The following CPQ variants were observed in gnomAD, a reference collection of about 807,000 sequenced individuals.
CPQ encodes carboxypeptidase Q.
A neutral mutation model predicts 45.7 loss-of-function variants in CPQ; 37 were observed. That is an observed-to-expected ratio of 0.81 (90% CI 0.62 to 1.07). The LOEUF (loss-of-function observed/expected upper bound fraction) is 1.07. CPQ is among the 50% of genes least tolerant of loss of function. The probability of loss-of-function intolerance (pLI) is 0.00; values close to 1 mark genes in which losing one functional copy is unlikely to be tolerated. For missense variants in CPQ, 537 were observed against 572.9 expected, an observed-to-expected ratio of 0.94 and a Z score of 0.64; for synonymous variants, 186 against 205.8, an observed-to-expected ratio of 0.90 and a Z score of 0.82.
At chr8:97,001,916 G>A (rs1809290003) in intron 5 of CPQ, among the ~76,000 whole-genome samples, 1 of 151,038 alleles carries the variant, frequency 6.6e-6, no homozygotes, top group South Asian at 2.1e-4. Flanking sequence ...TTGGTTGGTA[G>A]GCTATTTATT....
intron 6 of CPQ, among the ~76,000 whole-genome samples, chr8:97,052,108 A>G (rs1810374945): frequency 6.6e-6 from 1 of 151,978 alleles, no homozygotes; most frequent in African/African-American, 2.4e-5. Context: ...TTCCCGACAT[A>G]TTTGCTGCTA....
intron 7 of CPQ, among the ~76,000 whole-genome samples, chr8:97,115,414 A>C (rs1001554496): frequency 6.6e-6 from 1 of 152,240 alleles, no homozygotes; most frequent in East Asian, 1.9e-4. Flanking sequence ...TGTGTTGCTC[A>C]GTTAGCAGAA....
At chr8:97,070,372 A>G (rs1158901802) in intron 7 of CPQ, among the ~76,000 whole-genome samples, 2 of 152,166 alleles carry the variant, frequency 1.3e-5, no homozygotes, top group Non-Finnish European at 2.9e-5. Flanking sequence ...CCTGCTGCCT[A>G]TATGCAGTGA....
intron 7 of CPQ, among the ~76,000 whole-genome samples, chr8:97,112,414 G>T (rs998089418): frequency 3.3e-5 from 5 of 152,174 alleles, no homozygotes; most frequent in Non-Finnish European, 7.3e-5. Context: ...GCTGATGAGA[G>T]TTACCCAGAA....
At chr8:96,824,885 G>A (rs1811357559) in intron 2 of CPQ, among the ~76,000 whole-genome samples, 1 of 152,000 alleles carries the variant, frequency 6.6e-6, no homozygotes, top group Non-Finnish European at 1.5e-5. Flanking sequence ...TGAACAATGT[G>A]GGATATTTAA....
chr8:96,737,833 A>T lies in CPQ; in HGVS notation c.-34-47031A>T, dbSNP rs191985682. 1.8e-3 allele frequency among the ~76,000 whole-genome samples: 271 copies of T among 152,314 alleles called. 3 individuals are homozygous for T. Among genetic ancestry groups the T allele is most frequent in the African/African-American group, 6.2e-3 (256 of 41,566 alleles). On this transcript the variant is annotated intron_variant, in intron 1 of 7. Coordinates refer to ENST00000220763, the MANE Select transcript of CPQ (RefSeq NM_016134.4). ...ATAAATCTTCTTTTACTTTGGATTT[A>T]AAAATTATGTATATTTAAGTTGTAA... is the stretch of plus-strand genomic sequence containing the variant.
chr8:96,852,645 G>A (rs985895777), intron 3 of CPQ, among the ~76,000 whole-genome samples: 8 of 152,140 alleles, frequency 5.3e-5, no homozygotes, highest in African/African-American at 1.7e-4. Flanking sequence ...TTTGACAGGT[G>A]TCAGATAGAC....
intron 1 of CPQ, among the ~76,000 whole-genome samples, chr8:96,712,641 G>A (rs907896002): frequency 6.6e-6 from 1 of 152,222 alleles, no homozygotes; most frequent in African/African-American, 2.4e-5. Flanking sequence ...CATAGCTGGA[G>A]CTGAAGCAGC....
chr8:96,902,885 G>A (rs545066918), intron 4 of CPQ, among the ~76,000 whole-genome samples: 6 of 152,194 alleles, frequency 3.9e-5, no homozygotes, highest in Non-Finnish European at 7.3e-5. Flanking sequence ...ATCTTGCACT[G>A]TCCAATCGAC....
rs1166440223 is a variant in CPQ, at chr8:97,122,971, TAAAA to T, written c.1256-20048_1256-20045del. On this transcript the variant is annotated intron_variant, in intron 7 of 7. Coordinates refer to ENST00000220763, the MANE Select transcript of CPQ (RefSeq NM_016134.4). ...TAAAATAAAATAAAATAAAATAAAATAAAATAAAATTAAAATAAAATAAAATAAA... is the reference window on the plus strand; with the variant it reads ...TAAAATAAAATAAAATAAAATAAAATTAAAATTAAAATAAAATAAAATAAA... Among the ~76,000 whole-genome samples, 528 of 54,334 alleles carry T rather than the reference TAAAA, an allele frequency of 9.7e-3. 38 individuals are homozygous for T. The highest frequency in any genetic ancestry group is 0.019 in the Admixed American group (72 of 3,714). The allele number at this position is 54,334 out of a possible 152,430, so 35.6% of individuals were successfully genotyped here.
chr8:97,087,766 A>C (rs1227176451), intron 7 of CPQ, among the ~76,000 whole-genome samples: 1 of 152,178 alleles, frequency 6.6e-6, no homozygotes, highest in Admixed American at 6.5e-5. Flanking sequence ...ATTTGAAAAG[A>C]TCTCACTAAA....
At chr8:97,050,942 A>T (rs1314702967) in intron 6 of CPQ, among the ~76,000 whole-genome samples, 2 of 152,170 alleles carry the variant, frequency 1.3e-5, no homozygotes, top group Non-Finnish European at 2.9e-5. Flanking sequence ...AATATATTAA[A>T]TTTATATAAT....
At chr8:96,771,941 A>G (rs892839449) in intron 1 of CPQ, among the ~76,000 whole-genome samples, 1 of 152,010 alleles carries the variant, frequency 6.6e-6, no homozygotes, top group Non-Finnish European at 1.5e-5. Flanking sequence ...TGGATTCTAC[A>G]CATTCTCTAC....
chr8:96,915,725 G>T (rs1193530558), intron 4 of CPQ, among the ~76,000 whole-genome samples: 3 of 151,972 alleles, frequency 2.0e-5, no homozygotes, highest in Non-Finnish European at 4.4e-5. Flanking sequence ...AGGATGCTCG[G>T]CTCTAAATAC....
intron 4 of CPQ, among the ~76,000 whole-genome samples, chr8:96,884,981 A>G (rs550399123): frequency 9.9e-5 from 15 of 152,184 alleles, no homozygotes; most frequent in Non-Finnish European, 1.9e-4. Context: ...GAATAATGCA[A>G]ATATCTTTGG....
At chr8:96,730,840 T>C (rs2130770106) in intron 1 of CPQ, among the ~76,000 whole-genome samples, 1 of 124,376 alleles carries the variant, frequency 8.0e-6, no homozygotes, top group African/African-American at 2.9e-5. Flanking sequence ...TGAGGACCAC[T>C]GATCTAGATC....
chr8:96,863,628 G>C (rs1811960529), intron 3 of CPQ, among the ~76,000 whole-genome samples: 1 of 152,070 alleles, frequency 6.6e-6, no homozygotes, highest in African/African-American at 2.4e-5. Flanking sequence ...AGAATGTACT[G>C]ATTATATGCA....
chr8:97,105,726 G>T (rs570466432), intron 7 of CPQ, among the ~76,000 whole-genome samples: 1 of 152,266 alleles, frequency 6.6e-6, no homozygotes, highest in Non-Finnish European at 1.5e-5. Flanking sequence ...TAAGATTTTA[G>T]AAGGAAACAG....
At chr8:96,980,576 G>A (rs1254782410) in intron 5 of CPQ, among the ~76,000 whole-genome samples, 1 of 152,166 alleles carries the variant, frequency 6.6e-6, no homozygotes, top group East Asian at 1.9e-4. Flanking sequence ...ATTATTATCA[G>A]ATTCTAATTG....
Sources: gnomAD v4.1 joint callset for allele counts (sites outside exome capture counted in the v4.1 genomes callset) on GRCh38, gnomAD v4.1.1 for gene constraint, MANE v1.5 for transcripts, NCBI Gene and HGNC (gene_info 2026-07-23, HGNC 2026-07-21) for gene names.